PTPRM: variants seen among roughly 807,000 people sequenced by gnomAD.
The protein encoded by PTPRM is receptor-type tyrosine-protein phosphatase mu.
PTPRM carries 47 observed loss-of-function variants against 186.7 expected under a neutral mutation model. That is an observed-to-expected ratio of 0.25 (90% CI 0.20 to 0.32). The LOEUF (loss-of-function observed/expected upper bound fraction) is 0.32. Ranked by LOEUF, PTPRM falls within the 10% of genes least tolerant of loss-of-function variation. The pLI, the probability that PTPRM is intolerant of heterozygous loss-of-function variation, is 1.00. For missense variants in PTPRM, 1,494 were observed against 1,865.0 expected (o/e 0.80, Z 3.66); for synonymous variants, 668 against 674.9 (o/e 0.99, Z 0.16).
At chr18:7,638,780 A>G (rs1223322444) in intron 1 of PTPRM, among the ~76,000 whole-genome samples, 3 of 152,226 alleles carry the variant, frequency 2.0e-5, no homozygotes, top group African/African-American at 7.2e-5. Flanking sequence ...TTGATTCAGC[A>G]ATAATTTGGG....
In PTPRM at chr18:8,383,296, CAAAAAAAAAAAAAAAAA is replaced by C. The variant is rs59442781; in HGVS notation, c.3919-1247_3919-1231del. Reference sequence around the variant, plus strand: ...CTGGCGACAGAACGAGCTTCTGCCTCAAAAAAAAAAAAAAAAAAAAAAAAAAAAAAAAAAGGTAGATG... The same window carrying C: ...CTGGCGACAGAACGAGCTTCTGCCTCAAAAAAAAAAAAAAAAAGGTAGATG... On this transcript the variant is annotated intron_variant, in intron 29 of 32. Coordinates refer to ENST00000580170, the MANE Select transcript of PTPRM (RefSeq NM_001105244.2). 3.6e-4 allele frequency among the ~76,000 whole-genome samples: 11 copies of C among 30,430 alleles called. 1 individual carries two copies. The highest frequency in any genetic ancestry group is 2.7e-3 in the South Asian group (1 of 376). 20.0% of individuals were successfully genotyped at this position (30,430 alleles called of 152,430 possible). A position where few individuals can be genotyped will look rare whatever the true frequency, so the allele number is the denominator to read the frequency against.
intron 19 of PTPRM, among the ~76,000 whole-genome samples, chr18:8,282,182 C>T (rs575647274): frequency 9.2e-5 from 14 of 152,188 alleles, no homozygotes; most frequent in African/African-American, 2.2e-4. Flanking sequence ...GAAGTCAACA[C>T]GACCAGATGA....
intron 2 of PTPRM, among the ~76,000 whole-genome samples, chr18:7,825,380 A>G (rs899683809): frequency 2.0e-5 from 3 of 152,220 alleles, no homozygotes; most frequent in East Asian, 1.9e-4. Context: ...TTGATTTTGC[A>G]TAGGAGTACC....
In PTPRM at chr18:8,379,356, C is replaced by G. The variant is rs1461893475; in HGVS notation, c.3786+16C>G. On this transcript the variant is annotated intron_variant, in intron 28 of 32. Coordinates refer to ENST00000580170, the MANE Select transcript of PTPRM (RefSeq NM_001105244.2). ...CCTCATGGACGTGAGTGCCCCGCTT[C>G]CCGCACGGGTCCGAGGCTGGGGTGT... The G allele has an allele frequency of 6.9e-6, 11 of 1,593,390 alleles. No individual in the cohort carries two copies. The highest frequency in any genetic ancestry group is 9.4e-6 in the Non-Finnish European group (11 of 1,170,270).
At position 7,930,709 on chromosome 18, in the gene PTPRM, G is replaced by A. The variant is rs771380278; in HGVS notation, c.663+4026G>A. Among the ~76,000 whole-genome samples the A allele has an allele frequency of 1.9e-4, 29 of 152,232 alleles. 1 individual carries two copies. Among genetic ancestry groups the A allele is most frequent in the Non-Finnish European group, 3.2e-4 (22 of 68,024 alleles). ...TTAATATCAAGGTGCCATCCTGACC[G>A]TGGAAAATAATGCTTATATGTATTA... On this transcript the variant is annotated intron_variant, in intron 5 of 32. Transcript: ENST00000580170.
intron 2 of PTPRM, among the ~76,000 whole-genome samples, chr18:7,803,222 A>C (rs1177392533): frequency 6.6e-6 from 1 of 152,200 alleles, no homozygotes; most frequent in South Asian, 2.1e-4. Context: ...CCCCAAATGC[A>C]TCTCACTGGG....
chr18:7,666,706 T>C (rs987991245), intron 1 of PTPRM, among the ~76,000 whole-genome samples: 3 of 152,188 alleles, frequency 2.0e-5, no homozygotes, highest in African/African-American at 7.2e-5. Context: ...TGTCTAAACA[T>C]TTTTGTTTTT....
chr18:7,681,363 C>G (rs932749803), intron 1 of PTPRM, among the ~76,000 whole-genome samples: 5 of 152,020 alleles, frequency 3.3e-5, no homozygotes, highest in African/African-American at 1.2e-4. Context: ...TAGAGAGTAG[C>G]CCACACTTTA....
chr18:8,146,383 T>A (rs2092886534), intron 14 of PTPRM, among the ~76,000 whole-genome samples: 1 of 152,226 alleles, frequency 6.6e-6, no homozygotes, highest in Admixed American at 6.5e-5. Context: ...GTGGTTTTCA[T>A]TTGCATTTCT....
At chr18:8,350,091 C>G (rs889203582) in intron 23 of PTPRM, among the ~76,000 whole-genome samples, 9 of 152,318 alleles carry the variant, frequency 5.9e-5, no homozygotes, top group African/African-American at 1.9e-4. Context: ...ATAGGAGCTA[C>G]AGCTCTGAGT....
At chr18:8,146,749 T>A (rs966350448) in intron 14 of PTPRM, among the ~76,000 whole-genome samples, 3 of 152,222 alleles carry the variant, frequency 2.0e-5, no homozygotes, top group Non-Finnish European at 4.4e-5. Context: ...CTGAATGGTA[T>A]TGCCTAGGTT....
intron 3 of PTPRM, among the ~76,000 whole-genome samples, chr18:7,900,008 C>T (rs543313455): frequency 1.1e-3 from 161 of 147,762 alleles, no homozygotes; most frequent in African/African-American, 3.7e-3. Context: ...CCCCATGGAG[C>T]GCAAGGCATA....
intron 2 of PTPRM, among the ~76,000 whole-genome samples, chr18:7,826,180 C>T (rs1405401787): frequency 2.6e-5 from 4 of 152,216 alleles, no homozygotes; most frequent in African/African-American, 4.8e-5. Flanking sequence ...CAGAAAGCTA[C>T]ACGCTGCATA....
At chr18:8,038,837 G>A (rs747077451) in intron 7 of PTPRM, among the ~76,000 whole-genome samples, 1 of 152,058 alleles carries the variant, frequency 6.6e-6, no homozygotes, top group Non-Finnish European at 1.5e-5. Context: ...TTTAATTCTG[G>A]AAACTGCAAC....
chr18:8,047,872 A>T (rs926960389), intron 7 of PTPRM, among the ~76,000 whole-genome samples: 2 of 152,174 alleles, frequency 1.3e-5, no homozygotes, highest in African/African-American at 4.8e-5. Context: ...GACCAAAGTT[A>T]ATTTGGAAAG....
rs143954732 is a variant in PTPRM, at chr18:7,983,756, T to A, written c.1132+28342T>A. Among the ~76,000 whole-genome samples, 1,253 of 152,262 alleles carry A rather than the reference T, an allele frequency of 8.2e-3. 6 individuals are homozygous for A. Among genetic ancestry groups the A allele is most frequent in the South Asian group, 0.033 (161 of 4,822 alleles). On this transcript the variant is annotated intron_variant, in intron 7 of 32. Coordinates refer to ENST00000580170, the MANE Select transcript of PTPRM (RefSeq NM_001105244.2). ...CCACTAACCTTCGTTGAGAAAATAA[T>A]CTGTGAAAGGTCATTATCAAGTTAT...
intron 1 of PTPRM, among the ~76,000 whole-genome samples, chr18:7,749,982 A>G (rs2041135614): frequency 6.6e-6 from 1 of 152,226 alleles, no homozygotes; most frequent in Non-Finnish European, 1.5e-5. Context: ...ATGACACATA[A>G]CGTTGGTTAA....
intron 9 of PTPRM, among the ~76,000 whole-genome samples, chr18:8,078,261 T>G (rs982311899): frequency 2.0e-5 from 3 of 152,182 alleles, no homozygotes; most frequent in Non-Finnish European, 4.4e-5. Flanking sequence ...AATGCACCTG[T>G]GAGCTACGAT....
At chr18:8,108,597 T>C (rs2091624678) in intron 11 of PTPRM, among the ~76,000 whole-genome samples, 1 of 152,220 alleles carries the variant, frequency 6.6e-6, no homozygotes, top group Non-Finnish European at 1.5e-5. Flanking sequence ...ATTTGAACTT[T>C]CAAGTCTAAA....
Sources: allele counts gnomAD v4.1 joint callset (sites outside exome capture counted in the v4.1 genomes callset), GRCh38; gene constraint gnomAD v4.1.1; transcripts MANE v1.5; gene names NCBI Gene and HGNC (gene_info 2026-07-23, HGNC 2026-07-21).